Variants in PKHD1L1 observed in about 807,000 individuals in gnomAD.
PKHD1L1 encodes the protein fibrocystin-L.
A neutral mutation model predicts 462.9 loss-of-function variants in PKHD1L1; 434 were observed. That is an observed-to-expected ratio of 0.94 (90% CI 0.87 to 1.02). The LOEUF (loss-of-function observed/expected upper bound fraction) is 1.02, where lower values mean the gene tolerates loss of function less well. Among genes scored for constraint, PKHD1L1 ranks in the 50% least tolerant of loss-of-function variants. The pLI is 0.00. For missense variants in PKHD1L1, 5,202 were observed against 5,096.1 expected, an observed-to-expected ratio of 1.02 and a Z score of -0.63; for synonymous variants, 1,781 against 1,750.0, an observed-to-expected ratio of 1.02 and a Z score of -0.44.
intron 53 of PKHD1L1, among the ~76,000 whole-genome samples, chr8:109,477,905 G>C (rs1021094310): frequency 6.6e-6 from 1 of 152,024 alleles, no homozygotes. Flanking sequence ...TTCTATCTTT[G>C]TAACTTACAT....
rs1816075905 is a variant in PKHD1L1 at position 109,445,382 on chromosome 8, C to T, written c.5513C>T (p.Pro1838Leu). Residue 1838 changes from proline to leucine, a missense_variant, in exon 38 of 78, where the codon CCA becomes CTA. Around this residue, in one of 3 missense-constraint regions of PKHD1L1, gnomAD observed 4,497 missense variants for 4,336.8 expected, o/e 1.04. Transcript: ENST00000378402. ...VSSPPVASLSPTSGSIGGGTT... is the reference protein window; with the variant it reads ...VSSPPVASLSLTSGSIGGGTT... ...AGCCCCCCAGTAGCATCTCTATCAC[C>T]AACTTCTGGAAGCATTGGTGGTGGA... The T allele has an allele frequency of 6.2e-7, 1 of 1,613,958 alleles. No homozygotes were observed. The highest frequency in any genetic ancestry group is 1.7e-5 in the Admixed American group (1 of 60,004).
chr8:109,383,479 A>C (rs1812277242), intron 4 of PKHD1L1, among the ~76,000 whole-genome samples: 1 of 131,128 alleles, frequency 7.6e-6, no homozygotes, highest in Non-Finnish European at 1.6e-5. Context: ...TATATATAAA[A>C]CTATTTTTAT....
At chr8:109,471,622 CAA>C (rs1817724307) in intron 50 of PKHD1L1, among the ~76,000 whole-genome samples, 1 of 152,108 alleles carries the variant, frequency 6.6e-6, no homozygotes, top group Non-Finnish European at 1.5e-5. Flanking sequence ...CTCACGGTAA[CAA>C]GAGTATGTGG....
chr8:109,411,662 T>G (rs148804582), intron 19 of PKHD1L1, among the ~76,000 whole-genome samples: 1,854 of 152,272 alleles, frequency 0.012, 21 homozygotes, highest in Non-Finnish European at 0.016. Flanking sequence ...TCTGCTTTTT[T>G]GCACACATTT....
In PKHD1L1 at chr8:109,420,696, C is replaced by T; in HGVS notation, c.2697+6C>T. On this transcript the variant is annotated splice_donor_region_variant and intron_variant, in intron 23 of 77. Coordinates refer to ENST00000378402, the MANE Select transcript of PKHD1L1 (RefSeq NM_177531.6). ...TGGCTGTGAGCTTTGGGCAGGTAAG[C>T]CTAGAATTTTGCATTAATTTTTATG... 1.3e-6 allele frequency: 2 copies of T among 1,519,756 alleles called. No individual in the cohort carries two copies. Among genetic ancestry groups the T allele is most frequent in the Non-Finnish European group, 1.8e-6 (2 of 1,138,520 alleles). The allele number at this position is 1,519,756 out of a possible 1,614,324, so 94.1% of individuals were successfully genotyped here. A position where few individuals can be genotyped will look rare whatever the true frequency, so the allele number is the denominator to read the frequency against.
chr8:109,487,307 A>G (rs1367429359), intron 59 of PKHD1L1, among the ~76,000 whole-genome samples: 1 of 152,000 alleles, frequency 6.6e-6, no homozygotes, highest in Non-Finnish European at 1.5e-5. Flanking sequence ...TATATCATCT[A>G]GAAATATTTT....
chr8:109,413,362 G>A lies in PKHD1L1; in HGVS notation c.2236-59G>A, dbSNP rs1813960268. ...TATTGACTTTGAATTTATTTGAATT[G>A]TTGTGAAACAATGTAATGGTAATAT... On this transcript the variant is annotated intron_variant, in intron 20 of 77. Coordinates refer to ENST00000378402, the MANE Select transcript of PKHD1L1 (RefSeq NM_177531.6). 4 of 1,140,782 alleles carry A rather than the reference G, an allele frequency of 3.5e-6. No homozygotes were observed. The South Asian group carries it at 7.5e-5, about 21-fold the overall frequency. The allele number at this position is 1,140,782 out of a possible 1,614,324, so 70.7% of individuals were successfully genotyped here. A position where few individuals can be genotyped will look rare whatever the true frequency, so the allele number is the denominator to read the frequency against.
chr8:109,499,111 T>TGA (rs1289760100), intron 67 of PKHD1L1: 1 of 198,896 alleles, frequency 5.0e-6, no homozygotes, highest in Non-Finnish European at 1.0e-5. Flanking sequence ...TGAAGAACCT[T>TGA]AAGCTCAAAG....
chr8:109,473,966 G>A (rs969637598), intron 50 of PKHD1L1, among the ~76,000 whole-genome samples: 1 of 152,076 alleles, frequency 6.6e-6, no homozygotes, highest in Non-Finnish European at 1.5e-5. Context: ...TGTCCCATTG[G>A]CCAAGATCAA....
At chr8:109,471,013 G>A in intron 50 of PKHD1L1, 1 of 1,610,110 alleles carries the variant, frequency 6.2e-7, no homozygotes, top group Non-Finnish European at 8.5e-7. Context: ...GTCCAGTTGG[G>A]TCACCACTTA....
chr8:109,391,058 TA>T (rs1812688569), intron 9 of PKHD1L1, among the ~76,000 whole-genome samples: 2 of 152,334 alleles, frequency 1.3e-5, no homozygotes, highest in East Asian at 3.9e-4. Context: ...AACATCAGAA[TA>T]TGCAAATCTC....
intron 63 of PKHD1L1, 91 bp from the exon 64 acceptor site, chr8:109,496,828 A>C (rs1240685638): frequency 1.8e-5 from 24 of 1,362,640 alleles, no homozygotes; most frequent in Non-Finnish European, 2.2e-5. Flanking sequence ...AATTTTGAAA[A>C]GAATTTTGTT....
chr8:109,496,776 A>C (rs1055026585), intron 63 of PKHD1L1, 143 bp from the exon 64 acceptor site: 1 of 865,098 alleles, frequency 1.2e-6, no homozygotes, highest in African/African-American at 1.7e-5. Context: ...GAGCCATAAA[A>C]ATATTTGATC....
At position 109,464,577 on chromosome 8, in the gene PKHD1L1, T is replaced by C. The variant is rs778054834; in HGVS notation, c.7745T>C (p.Phe2582Ser). Residue 2582 changes from phenylalanine to serine, a missense_variant, in exon 49 of 78, where the codon TTT (phenylalanine) becomes TCT (serine). Around this residue, in one of 3 missense-constraint regions of PKHD1L1, gnomAD observed 4,497 missense variants for 4,336.8 expected, o/e 1.04. Transcript: ENST00000378402. ...RHNAVAGGTH[F>S]GFWYRMNNHP... ...AATGCTGTTGCTGGTGGCACTCACT[T>C]TGGCTTTTGGTACCGGATGAACAAC... 5 of 1,613,316 alleles carry C rather than the reference T, an allele frequency of 3.1e-6. No individual in the cohort carries two copies. Among genetic ancestry groups the C allele is most frequent in the Non-Finnish European group, 4.2e-6 (5 of 1,179,782 alleles).
Position 109,530,488 on chromosome 8 carries a change from T to C in PKHD1L1, c.*398T>C, listed in dbSNP as rs1821015578. 6.6e-6 allele frequency among the ~76,000 whole-genome samples: 1 copy of C among 151,980 alleles called. No homozygotes were observed. The highest frequency in any genetic ancestry group is 1.5e-5 in the Non-Finnish European group (1 of 67,982). On this transcript the variant is annotated 3_prime_UTR_variant, in exon 78 of 78. Coordinates refer to ENST00000378402, the MANE Select transcript of PKHD1L1 (RefSeq NM_177531.6). ...TAATACTTGAGGGGGGGGGTTCTTA[T>C]TTTCTCTATCCATTTACAAGGTTTT...
chr8:109,387,325 A>T (rs1812492249), intron 6 of PKHD1L1, among the ~76,000 whole-genome samples: 1 of 152,230 alleles, frequency 6.6e-6, no homozygotes, highest in Admixed American at 6.5e-5. Context: ...AAAAGTATGT[A>T]TTAAAGACCA....
chr8:109,451,448 T>C (rs573727930), intron 41 of PKHD1L1, among the ~76,000 whole-genome samples: 1 of 152,304 alleles, frequency 6.6e-6, no homozygotes, highest in African/African-American at 2.4e-5. Flanking sequence ...AATCCTAGTA[T>C]GTAGCATCAC....
chr8:109,372,650 A>G (rs1811575770), intron 2 of PKHD1L1, among the ~76,000 whole-genome samples: 1 of 152,188 alleles, frequency 6.6e-6, no homozygotes, highest in African/African-American at 2.4e-5. Context: ...TTTGTCACAG[A>G]TAGCTCTTAT....
intron 9 of PKHD1L1, among the ~76,000 whole-genome samples, chr8:109,394,046 C>A (rs1031438306): frequency 1.3e-5 from 2 of 151,598 alleles, no homozygotes; most frequent in African/African-American, 2.4e-5. Context: ...TGGTGGCATG[C>A]GCCTGTAGTC....
Sources: gnomAD v4.1 joint callset for allele counts (sites outside exome capture counted in the v4.1 genomes callset) on GRCh38, gnomAD v4.1.1 for gene constraint, gnomAD v4.1.1 regional missense constraint, MANE v1.5 for transcripts, NCBI Gene and HGNC (gene_info 2026-07-23, HGNC 2026-07-21) for gene names.